The following SFMBT1 variants were observed in gnomAD, a reference collection of about 807,000 sequenced individuals.
SFMBT1 encodes the protein scm-like with four MBT domains protein 1.
In SFMBT1, 32 loss-of-function variants were observed where a neutral mutation model predicts 108.7. That is an observed-to-expected ratio of 0.29 (90% CI 0.22 to 0.40). The LOEUF is 0.40. Among genes scored for constraint, SFMBT1 ranks in the 10% least tolerant of loss-of-function variants. The probability of loss-of-function intolerance (pLI) is 1.00; values close to 1 mark genes in which losing one functional copy is unlikely to be tolerated. For missense variants in SFMBT1, 816 were observed against 1,059.6 expected (o/e 0.77, Z 3.19); for synonymous variants, 348 against 369.5 (o/e 0.94, Z 0.67).
At chr3:53,015,960 G>T (rs1699110708) in intron 1 of SFMBT1, among the ~76,000 whole-genome samples, 1 of 152,070 alleles carries the variant, frequency 6.6e-6, no homozygotes. Flanking sequence ...GCTTACAATT[G>T]TTTGCTTCTC....
In SFMBT1 at chr3:53,001,925, T is replaced by TCTCACACACA. The variant is rs1448849638; in HGVS notation, c.-130-32668_-130-32667insTGTGTGTGAG. ...GGGCAACAGAGCAAGACCCAGTCTC[T>TCTCACACACA]CACACACACACACACACACACACAC... On this transcript the variant is annotated intron_variant, in intron 1 of 20. Coordinates refer to ENST00000394752, the MANE Select transcript of SFMBT1 (RefSeq NM_016329.4). Among the ~76,000 whole-genome samples the TCTCACACACA allele has an allele frequency of 4.2e-3, 547 of 129,222 alleles. 11 individuals are homozygous for TCTCACACACA. Among genetic ancestry groups the TCTCACACACA allele is most frequent in the African/African-American group, 0.014 (493 of 35,818 alleles). The allele number at this position is 129,222 out of a possible 152,430, so 84.8% of individuals were successfully genotyped here. A position where few individuals can be genotyped will look rare whatever the true frequency, so the allele number is the denominator to read the frequency against.
rs374138439 is a variant in SFMBT1 at position 53,033,769 on chromosome 3, C to A, written c.-131+12047G>T. Among the ~76,000 whole-genome samples the A allele has an allele frequency of 8.0e-3, 861 of 107,062 alleles. 4 individuals are homozygous for A. The highest frequency in any genetic ancestry group is 0.018 in the African/African-American group (562 of 31,454). The allele number at this position is 107,062 out of a possible 152,430, so 70.2% of individuals were successfully genotyped here. A position where few individuals can be genotyped will look rare whatever the true frequency, so the allele number is the denominator to read the frequency against. On this transcript the variant is annotated intron_variant, in intron 1 of 20. Transcript: ENST00000394752. ...AATGCCATTATCACACCAAAAAAGA[C>A]AAAAAAAAAAAAAAAATCACCCTGG... is the stretch of plus-strand genomic sequence containing the variant.
At chr3:52,983,198 C>T (rs1253630222) in intron 1 of SFMBT1, among the ~76,000 whole-genome samples, 3 of 152,150 alleles carry the variant, frequency 2.0e-5, no homozygotes, top group African/African-American at 4.8e-5. Flanking sequence ...GCCTACCCAA[C>T]GTGAAGATGA....
At chr3:53,031,608 A>G (rs1268084755) in intron 1 of SFMBT1, among the ~76,000 whole-genome samples, 1 of 151,704 alleles carries the variant, frequency 6.6e-6, no homozygotes. Context: ...AAAAAAAAAA[A>G]GTGTCCAGGG....
intron 14 of SFMBT1, 48 bp from the exon 15 acceptor site, chr3:52,913,665 C>A: frequency 1.3e-6 from 2 of 1,593,736 alleles, no homozygotes; most frequent in Non-Finnish European, 1.7e-6. Flanking sequence ...TTCTCTACCC[C>A]ACGTTTCCAA....
At chr3:52,953,300 A>G (rs1431294228) in intron 3 of SFMBT1, among the ~76,000 whole-genome samples, 1 of 152,080 alleles carries the variant, frequency 6.6e-6, no homozygotes, top group Non-Finnish European at 1.5e-5. Context: ...ATCTCTACTA[A>G]AAATTAGCTG....
chr3:53,009,902 C>T (rs1173308505), intron 1 of SFMBT1, among the ~76,000 whole-genome samples: 3 of 152,108 alleles, frequency 2.0e-5, no homozygotes, highest in Non-Finnish European at 4.4e-5. Flanking sequence ...TTCATCCTCA[C>T]GGTCTTCACA....
At chr3:52,998,265 G>A (rs549422240) in intron 1 of SFMBT1, among the ~76,000 whole-genome samples, 4 of 149,952 alleles carry the variant, frequency 2.7e-5, no homozygotes, top group South Asian at 2.1e-4. Context: ...GGTGGCGGGC[G>A]CCTGTAGTCC....
At chr3:52,988,688 C>G (rs190108242) in intron 1 of SFMBT1, among the ~76,000 whole-genome samples, 1 of 152,238 alleles carries the variant, frequency 6.6e-6, no homozygotes, top group Non-Finnish European at 1.5e-5. Context: ...CTGGTTACTA[C>G]TAGAGATGTA....
intron 13 of SFMBT1, among the ~76,000 whole-genome samples, chr3:52,917,435 A>G (rs1575371032): frequency 1.3e-5 from 2 of 152,306 alleles, no homozygotes; most frequent in South Asian, 2.1e-4. Flanking sequence ...CCATGCAAGG[A>G]CACAGCCAGA....
chr3:52,986,313 T>C (rs1243203999), intron 1 of SFMBT1, among the ~76,000 whole-genome samples: 1 of 152,160 alleles, frequency 6.6e-6, no homozygotes, highest in Non-Finnish European at 1.5e-5. Flanking sequence ...ACACTGCACA[T>C]GTAAGCCACA....
intron 2 of SFMBT1, among the ~76,000 whole-genome samples, chr3:52,961,896 T>C (rs1264597141): frequency 6.6e-6 from 1 of 152,086 alleles, no homozygotes; most frequent in Non-Finnish European, 1.5e-5. Context: ...TAAGTAACAA[T>C]TAAAATGATG....
chr3:53,040,102 TAAGA>T (rs906874842), intron 1 of SFMBT1, among the ~76,000 whole-genome samples: 1 of 152,090 alleles, frequency 6.6e-6, no homozygotes, highest in African/African-American at 2.4e-5. Context: ...AACCGATCCT[TAAGA>T]AAGAACACTA....
At chr3:53,043,859 T>G (rs967512776) in intron 1 of SFMBT1, among the ~76,000 whole-genome samples, 13 of 152,248 alleles carry the variant, frequency 8.5e-5, no homozygotes, top group Non-Finnish European at 1.6e-4. Flanking sequence ...CTCAGTTTGT[T>G]AGTATTGCCC....
intron 1 of SFMBT1, among the ~76,000 whole-genome samples, chr3:53,006,616 A>G (rs1267967001): frequency 1.3e-5 from 2 of 151,772 alleles, no homozygotes; most frequent in African/African-American, 4.8e-5. Context: ...GCGACAGAGC[A>G]AAACTCCGTC....
intron 1 of SFMBT1, among the ~76,000 whole-genome samples, chr3:53,030,392 G>A (rs1007070026): frequency 1.3e-5 from 2 of 151,850 alleles, no homozygotes; most frequent in Non-Finnish European, 2.9e-5. Context: ...CAGTAAAAAG[G>A]AATACACTCT....
rs200694315 is a variant in SFMBT1 at position 52,920,608 on chromosome 3, G to C, written c.1301C>G (p.Ser434Cys). 6.2e-7 allele frequency: 1 copy of C among 1,613,990 alleles called. No homozygotes were observed. Among genetic ancestry groups the C allele is most frequent in the South Asian group, 1.1e-5 (1 of 91,068 alleles). The change falls in exon 12 of 21, where the codon TCC (serine) becomes TGC (cysteine). Residue 434 changes from serine (S) to cysteine (C), a missense_variant. Physicochemically the swap from Ser to Cys is moderately radical, Grantham distance 112. Transcript: ENST00000394752. ...CCAGCCCAAAGGAAATATATCCATGGATTCCACACTCACAATACATTCAGG... is the reference window on the plus strand; with the variant it reads ...CCAGCCCAAAGGAAATATATCCATGCATTCCACACTCACAATACATTCAGG... Reference protein sequence around the residue: ...PIPECIVSVESMDIFPLGWCE... With the variant: ...PIPECIVSVECMDIFPLGWCE...
chr3:52,914,847 T>A (rs1426823071), intron 14 of SFMBT1, among the ~76,000 whole-genome samples: 2 of 152,218 alleles, frequency 1.3e-5, no homozygotes, highest in Non-Finnish European at 2.9e-5. Flanking sequence ...TTTTCAGAAT[T>A]AAGGCACTCA....
At chr3:52,993,583 A>G (rs1698202999) in intron 1 of SFMBT1, among the ~76,000 whole-genome samples, 1 of 150,076 alleles carries the variant, frequency 6.7e-6, no homozygotes, top group Non-Finnish European at 1.5e-5. Flanking sequence ...CATGCTAAGC[A>G]TCTGCTACAT....
Sources: allele counts gnomAD v4.1 joint callset (sites outside exome capture counted in the v4.1 genomes callset), GRCh38; gene constraint gnomAD v4.1.1; transcripts MANE v1.5; gene names NCBI Gene and HGNC (gene_info 2026-07-23, HGNC 2026-07-21).